Variants in CAB39 observed in about 807,000 individuals in gnomAD.
CAB39 encodes the protein calcium binding protein 39, also known as calcium-binding protein 39.
A neutral mutation model predicts 40.0 loss-of-function variants in CAB39; 8 were observed. The observed-to-expected ratio is 0.20, with a 90% CI of 0.12 to 0.36. CAB39 has a LOEUF of 0.36. Among genes scored for constraint, CAB39 ranks in the 10% least tolerant of loss-of-function variants. CAB39 has a pLI of 1.00. For synonymous variants in CAB39, 156 were observed against 141.6 expected (o/e 1.10, Z -0.72); for missense variants, 270 against 401.1 (o/e 0.67, Z 2.79).
chr2:230,755,770 C>CT (rs1411322445), intron 1 of CAB39, among the ~76,000 whole-genome samples: 1 of 152,172 alleles, frequency 6.6e-6, no homozygotes, highest in African/African-American at 2.4e-5. Flanking sequence ...GTGTTATTCC[C>CT]TTAAATTCCT....
At chr2:230,746,945 G>A (rs989185005) in intron 1 of CAB39, among the ~76,000 whole-genome samples, 2 of 152,298 alleles carry the variant, frequency 1.3e-5, no homozygotes, top group Admixed American at 6.5e-5. Flanking sequence ...TTAGTTGGGA[G>A]TGATACATAC....
chr2:230,714,634 T>C (rs764290032), intron 1 of CAB39, among the ~76,000 whole-genome samples: 1 of 152,240 alleles, frequency 6.6e-6, no homozygotes, highest in Non-Finnish European at 1.5e-5. Flanking sequence ...ATAACATAAA[T>C]TGATGATTTT....
intron 2 of CAB39, among the ~76,000 whole-genome samples, chr2:230,761,195 A>G (rs1405598982): frequency 6.6e-6 from 1 of 152,208 alleles, no homozygotes; most frequent in Non-Finnish European, 1.5e-5. Flanking sequence ...ATTTTATACA[A>G]TATTTTAAAT....
At chr2:230,725,576 C>T (rs764585145) in intron 1 of CAB39, among the ~76,000 whole-genome samples, 5 of 152,016 alleles carry the variant, frequency 3.3e-5, no homozygotes, top group African/African-American at 7.3e-5. Flanking sequence ...GTAATTGGCC[C>T]GAAGTTATAC....
chr2:230,725,020 C>G (rs1348307829), intron 1 of CAB39: 1 of 1,197,032 alleles, frequency 8.4e-7, no homozygotes, highest in East Asian at 2.5e-5. Context: ...CAAAAGACCC[C>G]GGAGTACGTC....
At chr2:230,764,655 A>T (rs545737688) in intron 2 of CAB39, among the ~76,000 whole-genome samples, 2 of 152,354 alleles carry the variant, frequency 1.3e-5, no homozygotes, top group Admixed American at 6.5e-5. Flanking sequence ...GTCAAATTTC[A>T]GAATTCAGAT....
intron 5 of CAB39, among the ~76,000 whole-genome samples, chr2:230,799,800 C>G (rs565733187): frequency 1.5e-3 from 221 of 152,136 alleles, no homozygotes; most frequent in African/African-American, 5.1e-3. Flanking sequence ...AGACCAGCCT[C>G]ACCAACATGG....
At chr2:230,781,934 G>A (rs1285001583) in intron 2 of CAB39, among the ~76,000 whole-genome samples, 1 of 152,022 alleles carries the variant, frequency 6.6e-6, no homozygotes, top group Admixed American at 6.6e-5. Flanking sequence ...GCTCAATCTC[G>A]GCTCACTGCA....
At chr2:230,714,013 G>A (rs555509680) in intron 1 of CAB39, 99 of 152,594 alleles carry the variant, frequency 6.5e-4, no homozygotes, top group African/African-American at 2.4e-3. Flanking sequence ...GCTGAGCAGA[G>A]TCTTGAAGGC....
chr2:230,763,508 G>A (rs981296534), intron 2 of CAB39, among the ~76,000 whole-genome samples: 2 of 152,004 alleles, frequency 1.3e-5, no homozygotes, highest in African/African-American at 2.4e-5. Context: ...CACAAGAACT[G>A]CTTAAACCTG....
chr2:230,759,398 A>G lies in CAB39; in HGVS notation c.-43-561A>G, dbSNP rs75201490. On this transcript the variant is annotated intron_variant, in intron 1 of 8. Coordinates refer to ENST00000258418, the MANE Select transcript of CAB39 (RefSeq NM_016289.4). ...CTAGTGCTGTTTGGCTAAACACCCTACCTAACTTTTTGCCTCAGTTGCCTC... is the reference window on the plus strand; with the variant it reads ...CTAGTGCTGTTTGGCTAAACACCCTGCCTAACTTTTTGCCTCAGTTGCCTC... 1.4e-4 allele frequency among the ~76,000 whole-genome samples: 21 copies of G among 152,318 alleles called. No homozygotes were observed. The East Asian group carries it at 3.7e-3, about 27-fold the overall frequency.
At chr2:230,719,334 T>G (rs1384732832) in intron 1 of CAB39, among the ~76,000 whole-genome samples, 1 of 152,216 alleles carries the variant, frequency 6.6e-6, no homozygotes. Flanking sequence ...CTGCCTCACT[T>G]CAAAATATGT....
At chr2:230,797,176 A>G (rs1371002628) in intron 4 of CAB39, among the ~76,000 whole-genome samples, 2 of 152,216 alleles carry the variant, frequency 1.3e-5, no homozygotes, top group Admixed American at 1.3e-4. Context: ...GAATGAATAA[A>G]AGGAAATGAA....
intron 4 of CAB39, among the ~76,000 whole-genome samples, chr2:230,793,563 C>T (rs1695927027): frequency 6.6e-6 from 1 of 152,078 alleles, no homozygotes; most frequent in African/African-American, 2.4e-5. Flanking sequence ...CTTTTAAATT[C>T]ACAAATCCAG....
In CAB39 at chr2:230,820,417, T is replaced by C. The variant is rs1696489246; in HGVS notation, c.*1713T>C. On this transcript the variant is annotated 3_prime_UTR_variant, in exon 9 of 9. Transcript: ENST00000258418. ...TTAAAATGGCAGTCTACATCATAATTGGCATTTCTCAAGACTGTCTTTACC... is the reference window on the plus strand; with the variant it reads ...TTAAAATGGCAGTCTACATCATAATCGGCATTTCTCAAGACTGTCTTTACC... 1 of 152,204 alleles carries C rather than the reference T, an allele frequency of 6.6e-6. No homozygotes were observed. Among genetic ancestry groups the C allele is most frequent in the Non-Finnish European group, 1.5e-5 (1 of 68,028 alleles). The allele number at this position is 152,204 out of a possible 1,614,324, so 9.4% of individuals were successfully genotyped here. A position where few individuals can be genotyped will look rare whatever the true frequency, so the allele number is the denominator to read the frequency against.
chr2:230,777,168 C>T (rs1440174919), intron 2 of CAB39, among the ~76,000 whole-genome samples: 2 of 151,950 alleles, frequency 1.3e-5, no homozygotes, highest in Non-Finnish European at 2.9e-5. Flanking sequence ...TGTTCATTCC[C>T]CCAAAAAGCA....
chr2:230,817,632 C>A, intron 7 of CAB39, 122 bp from the exon 8 acceptor site: 2 of 696,286 alleles, frequency 2.9e-6, no homozygotes, highest in South Asian at 4.5e-5. Context: ...CAGTTCAGTT[C>A]TTCGGTCTTT....
intron 7 of CAB39, among the ~76,000 whole-genome samples, chr2:230,815,003 A>AC (rs1696375304): frequency 6.6e-6 from 1 of 152,166 alleles, no homozygotes; most frequent in Non-Finnish European, 1.5e-5. Flanking sequence ...ACCGATAATG[A>AC]CCAAGATTCC....
chr2:230,752,039 C>A (rs867870855), intron 1 of CAB39: 4 of 98,200 alleles, frequency 4.1e-5, no homozygotes, highest in African/African-American at 6.9e-5. Flanking sequence ...ACCCCCCCCC[C>A]CCCCACATAC....
Sources: gnomAD v4.1 joint callset for allele counts (sites outside exome capture counted in the v4.1 genomes callset) on GRCh38, gnomAD v4.1.1 for gene constraint, MANE v1.5 for transcripts, NCBI Gene and HGNC (gene_info 2026-07-23, HGNC 2026-07-21) for gene names.